Variants in WFDC3 observed in about 807,000 individuals in gnomAD.
WFDC3 encodes the protein WAP four-disulfide core domain protein 3.
In WFDC3, 15 loss-of-function variants were observed where a neutral mutation model predicts 25.8. That is an observed-to-expected ratio of 0.58 (90% CI 0.39 to 0.89). The LOEUF (loss-of-function observed/expected upper bound fraction) is 0.89. Ranked by LOEUF, WFDC3 falls within the 40% of genes least tolerant of loss-of-function variation. The probability of loss-of-function intolerance (pLI) is 0.00; values close to 1 mark genes in which losing one functional copy is unlikely to be tolerated. For missense variants in WFDC3, 264 were observed against 289.8 expected (o/e 0.91, Z 0.65); for synonymous variants, 103 against 107.1 (o/e 0.96, Z 0.24).
At chr20:45,790,253 C>A (rs1480143194) in intron 1 of WFDC3, among the ~76,000 whole-genome samples, 1 of 152,062 alleles carries the variant, frequency 6.6e-6, no homozygotes, top group African/African-American at 2.4e-5. Context: ...TGATGAGAAA[C>A]CTAGTGGGTG....
At chr20:45,785,358 T>C (rs992033298) in intron 4 of WFDC3, among the ~76,000 whole-genome samples, 2 of 150,998 alleles carry the variant, frequency 1.3e-5, no homozygotes, top group Non-Finnish European at 2.9e-5. Flanking sequence ...CAATCCCAGC[T>C]ACTCAGGAGG....
At chr20:45,777,828 A>AT (rs1980267309) in intron 4 of WFDC3, among the ~76,000 whole-genome samples, 1 of 58,756 alleles carries the variant, frequency 1.7e-5, no homozygotes, top group Non-Finnish European at 3.5e-5. Context: ...GCCCACCCTG[A>AT]TATTTTATAT....
intron 4 of WFDC3, among the ~76,000 whole-genome samples, chr20:45,782,672 G>A (rs1041163228): frequency 5.9e-5 from 9 of 152,026 alleles, no homozygotes; most frequent in African/African-American, 1.9e-4. Context: ...CACTGCGTTC[G>A]GCCGCCTTCC....
At chr20:45,789,834 T>A in intron 2 of WFDC3, 60 bp downstream of exon 2, 1 of 1,504,496 alleles carries the variant, frequency 6.6e-7, no homozygotes, top group South Asian at 1.1e-5. Context: ...GGGGATGAGT[T>A]CTCCTCTCCT....
rs1025014609 is a variant in WFDC3 at position 45,788,961 on chromosome 20, A to G, written c.181T>C (p.Cys61Arg). The change falls in exon 3 of 7, where the codon TGT (cysteine) becomes CGT (arginine). Residue 61 changes from cysteine (C) to arginine (R), a missense_variant. By Grantham distance (180) the Cys-to-Arg change is radical. Transcript: ENST00000243938. ...PAEQKCCTTGCGRICRDIPKG... is the reference protein window; with the variant it reads ...PAEQKCCTTGRGRICRDIPKG... Reference sequence around the variant, plus strand: ...GGAATGTCTCGGCAGATCCGACCACAGCCTGTGGTGCAGCACTTCTGTTCA... The same window carrying G: ...GGAATGTCTCGGCAGATCCGACCACGGCCTGTGGTGCAGCACTTCTGTTCA... 10 of 1,613,392 alleles carry G rather than the reference A, an allele frequency of 6.2e-6. No individual in the cohort carries two copies. In the East Asian group the frequency reaches 1.8e-4, roughly 29 times the overall value.
rs1242299443 is a variant in WFDC3 at position 45,775,467 on chromosome 20, G to A, written c.629C>T (p.Pro210Leu). 6.2e-7 allele frequency: 1 copy of A among 1,614,198 alleles called. No individual in the cohort carries two copies. The highest frequency in any genetic ancestry group is 1.3e-5 in the African/African-American group (1 of 75,052). Residue 210 changes from proline (P) to leucine (L), a missense_variant, in exon 6 of 7, where the codon CCA (proline) becomes CTA (leucine). Physicochemically the swap from Pro to Leu is moderately conservative, Grantham distance 98. Coordinates refer to ENST00000243938, the MANE Select transcript of WFDC3 (RefSeq NM_080614.2). ...GRFCVPPVLP[P>L]KLTMNPNWTV... ...CCAGTTGGGGTTCATGGTCAGTTTTGGGGGCAGGACTGGTGGGACACAGAA... is the reference window on the plus strand; with the variant it reads ...CCAGTTGGGGTTCATGGTCAGTTTTAGGGGCAGGACTGGTGGGACACAGAA...
chr20:45,782,290 C>A (rs919982709), intron 4 of WFDC3, among the ~76,000 whole-genome samples: 16 of 152,198 alleles, frequency 1.1e-4, no homozygotes, highest in African/African-American at 3.4e-4. Flanking sequence ...TCACCCAGTC[C>A]CATTAATTCT....
intron 1 of WFDC3, chr20:45,790,840 A>C (rs1980933503): frequency 2.1e-6 from 1 of 467,716 alleles, no homozygotes; most frequent in Non-Finnish European, 4.4e-6. Flanking sequence ...CCTCTAACCC[A>C]CACAGGCCAT....
intron 5 of WFDC3, 143 bp from the exon 6 acceptor site, chr20:45,775,745 T>A: frequency 9.3e-7 from 1 of 1,073,186 alleles, no homozygotes; most frequent in South Asian, 1.6e-5. Flanking sequence ...TGGGAAACCA[T>A]GGCGCTGGAG....
At chr20:45,781,977 C>CCAGA (rs1301397504) in intron 4 of WFDC3, among the ~76,000 whole-genome samples, 2 of 152,160 alleles carry the variant, frequency 1.3e-5, no homozygotes, top group Non-Finnish European at 2.9e-5. Flanking sequence ...AAAGGGTCAG[C>CCAGA]CAGACACCCA....
At chr20:45,784,680 G>A (rs148735149) in intron 4 of WFDC3, among the ~76,000 whole-genome samples, 1 of 152,326 alleles carries the variant, frequency 6.6e-6, no homozygotes, top group Non-Finnish European at 1.5e-5. Context: ...GGTGGAGATT[G>A]CAGTGAGCCG....
At chr20:45,788,058 C>T in intron 3 of WFDC3, 76 bp from the exon 4 acceptor site, 3 of 1,491,078 alleles carry the variant, frequency 2.0e-6, no homozygotes, top group Non-Finnish European at 2.7e-6. Context: ...AATCCCAGCA[C>T]TTTGGGAGGC....
intron 4 of WFDC3, chr20:45,779,744 A>C (rs1980355224): frequency 6.6e-6 from 1 of 152,160 alleles, no homozygotes. Context: ...CATACGTCCC[A>C]GATTTCACCA....
At chr20:45,784,856 G>A (rs868128334) in intron 4 of WFDC3, among the ~76,000 whole-genome samples, 2 of 152,188 alleles carry the variant, frequency 1.3e-5, no homozygotes, top group African/African-American at 2.4e-5. Context: ...ACAAGCCTTC[G>A]AGGTTTATTC....
intron 4 of WFDC3, among the ~76,000 whole-genome samples, chr20:45,780,955 A>G (rs1236919804): frequency 1.3e-5 from 2 of 151,958 alleles, no homozygotes; most frequent in African/African-American, 4.8e-5. Flanking sequence ...AAACCACATC[A>G]TGGGCCTGGC....
rs71181857 is a variant in WFDC3 at position 45,776,635 on chromosome 20, AATATATATAT to A, written c.493+430_493+439del. On this transcript the variant is annotated intron_variant, in intron 5 of 6. Coordinates refer to ENST00000243938, the MANE Select transcript of WFDC3 (RefSeq NM_080614.2). ...AAAGAAAAAAAAGAAAAAAAAAAAA[AATATATATAT>A]ATATATATATATATATGTGTGTGTG... 1.3e-4 allele frequency among the ~76,000 whole-genome samples: 12 copies of A among 92,930 alleles called. No individual in the cohort carries two copies. In the East Asian group the frequency reaches 3.5e-3, roughly 27 times the overall value. The allele number at this position is 92,930 out of a possible 152,430, so 61.0% of individuals were successfully genotyped here. A position where few individuals can be genotyped will look rare whatever the true frequency, so the allele number is the denominator to read the frequency against.
intron 2 of WFDC3, 75 bp from the exon 3 acceptor site, chr20:45,789,134 A>G (rs1020092410): frequency 1.3e-6 from 2 of 1,574,228 alleles, no homozygotes; most frequent in African/African-American, 2.7e-5. Flanking sequence ...CAGCCCCTCC[A>G]GGCATCTCTA....
At chr20:45,789,815 G>A in intron 2 of WFDC3, 79 bp downstream of exon 2, 1 of 1,320,044 alleles carries the variant, frequency 7.6e-7, no homozygotes, top group Non-Finnish European at 1.1e-6. Context: ...CTTGCTCTGG[G>A]AGAAGGCAGG....
chr20:45,774,233 G>A lies in WFDC3; in HGVS notation c.*195C>T. ...AGAGGTCAGCACCAGCCTTTATCGG[G>A]AAAGAGAAGCACCACACACCCACTA... On this transcript the variant is annotated 3_prime_UTR_variant, in exon 7 of 7. Coordinates refer to ENST00000243938, the MANE Select transcript of WFDC3 (RefSeq NM_080614.2). 1.4e-6 allele frequency: 1 copy of A among 690,082 alleles called. No individual in the cohort carries two copies. Among genetic ancestry groups the A allele is most frequent in the Non-Finnish European group, 2.5e-6 (1 of 404,168 alleles). 42.7% of individuals were successfully genotyped at this position (690,082 alleles called of 1,614,324 possible).
Sources: gnomAD v4.1 joint callset for allele counts (sites outside exome capture counted in the v4.1 genomes callset) on GRCh38, gnomAD v4.1.1 for gene constraint, MANE v1.5 for transcripts, NCBI Gene and HGNC (gene_info 2026-07-23, HGNC 2026-07-21) for gene names.